The following PTPRD variants were observed in gnomAD, a reference collection of about 807,000 sequenced individuals.
PTPRD encodes the protein protein tyrosine phosphatase receptor type D, also known as receptor-type tyrosine-protein phosphatase delta.
Under a neutral mutation model 214.5 loss-of-function variants are expected in PTPRD, and 34 were observed. That is an observed-to-expected ratio of 0.16 (90% confidence interval 0.12 to 0.21). The LOEUF (loss-of-function observed/expected upper bound fraction) is 0.21. Ranked by LOEUF, PTPRD falls within the 10% of genes least tolerant of loss-of-function variation. PTPRD has a pLI of 1.00. For missense variants in PTPRD, 2,545 were observed against 2,398.7 expected (o/e 1.06, Z -1.27); for synonymous variants, 1,128 against 845.7 (o/e 1.33, Z -5.79).
intron 5 of PTPRD, among the ~76,000 whole-genome samples, chr9:9,925,995 ATTT>A (rs537590857): frequency 6.6e-6 from 1 of 151,686 alleles, no homozygotes; most frequent in Admixed American, 6.6e-5. Flanking sequence ...TGCCTAGAAA[ATTT>A]TTTTTAAGTT....
At chr9:8,996,906 T>C (rs961423420) in intron 11 of PTPRD, among the ~76,000 whole-genome samples, 1 of 152,074 alleles carries the variant, frequency 6.6e-6, no homozygotes, top group Non-Finnish European at 1.5e-5. Context: ...ATCTTGATTG[T>C]GATATTGGTT....
chr9:8,751,465 C>A (rs35276267), intron 11 of PTPRD, among the ~76,000 whole-genome samples: 4,186 of 151,912 alleles, frequency 0.028, 78 homozygotes, highest in Non-Finnish European at 0.044. Context: ...AGATCAAAGC[C>A]TTTTTTGTTT....
At chr9:9,292,529 A>C (rs138230823) in intron 9 of PTPRD, among the ~76,000 whole-genome samples, 3,112 of 151,600 alleles carry the variant, frequency 0.021, 42 homozygotes, top group Middle Eastern at 0.044. Flanking sequence ...CATATACTCC[A>C]CATCCATTTT....
At chr9:9,180,358 A>T (rs1321628477) in intron 10 of PTPRD, among the ~76,000 whole-genome samples, 1 of 150,552 alleles carries the variant, frequency 6.6e-6, no homozygotes, top group Non-Finnish European at 1.5e-5. Context: ...CAAAAAACCA[A>T]ATACCGCATA....
intron 39 of PTPRD, among the ~76,000 whole-genome samples, chr9:8,374,646 C>T (rs1353906416): frequency 6.6e-6 from 1 of 151,962 alleles, no homozygotes; most frequent in Admixed American, 6.6e-5. Context: ...CGACATAATT[C>T]TCTTAACCCA....
chr9:9,975,141 C>G (rs2095306602), intron 4 of PTPRD, among the ~76,000 whole-genome samples: 1 of 152,080 alleles, frequency 6.6e-6, no homozygotes, highest in Non-Finnish European at 1.5e-5. Context: ...ACAGAGGGCA[C>G]ATTATTATGT....
At chr9:8,754,724 A>C (rs551030736) in intron 11 of PTPRD, among the ~76,000 whole-genome samples, 1 of 103,620 alleles carries the variant, frequency 9.7e-6, no homozygotes, top group Non-Finnish European at 2.6e-5. Context: ...AAGATTGATA[A>C]ATTTCAATTA....
chr9:9,630,101 G>A (rs2095543729), intron 7 of PTPRD, among the ~76,000 whole-genome samples: 1 of 152,148 alleles, frequency 6.6e-6, no homozygotes, highest in Non-Finnish European at 1.5e-5. Flanking sequence ...AGGATTATAT[G>A]GAAACACATG....
chr9:10,056,108 G>A (rs1023391484), intron 3 of PTPRD, among the ~76,000 whole-genome samples: 2 of 151,952 alleles, frequency 1.3e-5, no homozygotes, highest in Non-Finnish European at 2.9e-5. Flanking sequence ...GGACCATGAG[G>A]TCAGGAGTTT....
At chr9:9,784,426 C>G (rs1597717043) in intron 5 of PTPRD, among the ~76,000 whole-genome samples, 5 of 152,120 alleles carry the variant, frequency 3.3e-5, no homozygotes, top group Admixed American at 3.3e-4. Flanking sequence ...CACAATTATA[C>G]TGAAGGAAAA....
intron 2 of PTPRD, among the ~76,000 whole-genome samples, chr9:10,359,245 G>T (rs929955969): frequency 1.1e-3 from 172 of 152,062 alleles, no homozygotes; most frequent in African/African-American, 3.9e-3. Flanking sequence ...GGTGAACATG[G>T]TGTATGTATG....
intron 9 of PTPRD, among the ~76,000 whole-genome samples, chr9:9,340,700 G>A (rs1451454220): frequency 6.6e-6 from 1 of 152,146 alleles, no homozygotes; most frequent in African/African-American, 2.4e-5. Flanking sequence ...CATGCTGTTG[G>A]AAAACAATTA....
intron 12 of PTPRD, among the ~76,000 whole-genome samples, chr9:8,689,737 T>C (rs553528040): frequency 6.6e-6 from 1 of 152,290 alleles, no homozygotes; most frequent in Admixed American, 6.5e-5. Context: ...TAATATCCTA[T>C]TTGGTTCATC....
At chr9:10,350,653 C>T (rs936507803) in intron 2 of PTPRD, among the ~76,000 whole-genome samples, 1 of 152,008 alleles carries the variant, frequency 6.6e-6, no homozygotes, top group African/African-American at 2.4e-5. Context: ...GTCAAATGGG[C>T]CATCTGCCAA....
intron 9 of PTPRD, among the ~76,000 whole-genome samples, chr9:9,306,961 C>G (rs987366913): frequency 6.6e-6 from 1 of 152,104 alleles, no homozygotes; most frequent in African/African-American, 2.4e-5. Flanking sequence ...TCTTATTTGA[C>G]AAATTCTAAA....
chr9:8,807,504 C>T (rs1056096131), intron 11 of PTPRD, among the ~76,000 whole-genome samples: 3 of 151,972 alleles, frequency 2.0e-5, no homozygotes, highest in African/African-American at 7.3e-5. Flanking sequence ...AAAGCAACTA[C>T]ACATGAGGAG....
chr9:9,601,437 T>C (rs2093762347), intron 7 of PTPRD, among the ~76,000 whole-genome samples: 1 of 152,000 alleles, frequency 6.6e-6, no homozygotes, highest in South Asian at 2.1e-4. Flanking sequence ...TGGTTATTGT[T>C]TCACCATATA....
chr9:9,955,430 G>T (rs116171666), intron 4 of PTPRD, among the ~76,000 whole-genome samples: 1 of 151,344 alleles, frequency 6.6e-6, no homozygotes, highest in Non-Finnish European at 1.5e-5. Context: ...TCTTCTTACC[G>T]TTTGTTATAT....
At chr9:10,494,823 T>A (rs1421262457) in intron 2 of PTPRD, among the ~76,000 whole-genome samples, 1 of 151,556 alleles carries the variant, frequency 6.6e-6, no homozygotes. Context: ...AGAATTGTTT[T>A]GATATAATTT....
Sources: gnomAD v4.1 joint callset for allele counts (sites outside exome capture counted in the v4.1 genomes callset) on GRCh38, gnomAD v4.1.1 for gene constraint, MANE v1.5 for transcripts, NCBI Gene and HGNC (gene_info 2026-07-23, HGNC 2026-07-21) for gene names.